The following SAMD5 variants were observed in gnomAD, a reference collection of about 807,000 sequenced individuals.
SAMD5 encodes the protein sterile alpha motif domain-containing protein 5.
A neutral mutation model predicts 11.3 loss-of-function variants in SAMD5; 13 were observed. The observed-to-expected ratio is 1.15, with a 90% CI of 0.75 to 1.83. The LOEUF (loss-of-function observed/expected upper bound fraction) is 1.83, where lower values mean the gene tolerates loss of function less well. Ranked by LOEUF, SAMD5 falls within the 40% of genes most tolerant of loss-of-function variation. The pLI is 0.00. For missense variants in SAMD5, 255 were observed against 239.1 expected (o/e 1.07, Z -0.44); for synonymous variants, 129 against 111.3 (o/e 1.16, Z -1.00).
the SAMD5 span, among the ~76,000 whole-genome samples, chr6:147,807,455 C>T: frequency 3.3e-5 from 5 of 151,972 alleles, no homozygotes; most frequent in South Asian, 2.1e-4. Context: ...TAAGGGCAAC[C>T]GAAGCAGATG....
At chr6:147,662,919 G>T (rs1055174900) in intron 1 of SAMD5, among the ~76,000 whole-genome samples, 2 of 152,162 alleles carry the variant, frequency 1.3e-5, no homozygotes, top group African/African-American at 2.4e-5. Context: ...ATAGACAAAT[G>T]TAGTTATTTT....
chr6:147,938,428 A>G, the SAMD5 span, among the ~76,000 whole-genome samples: 1 of 152,198 alleles, frequency 6.6e-6, no homozygotes, highest in Non-Finnish European at 1.5e-5. Flanking sequence ...AATGGAAATT[A>G]TGGTACAAAC....
At chr6:147,691,459 AC>A (rs988367884) in intron 1 of SAMD5, among the ~76,000 whole-genome samples, 2 of 152,178 alleles carry the variant, frequency 1.3e-5, no homozygotes, top group Non-Finnish European at 2.9e-5. Flanking sequence ...ATTTTTTTCA[AC>A]TATGACTTTC....
Position 147,719,230 on chromosome 6 carries a change from G to A in SAMD5, c.163-18087G>A, listed in dbSNP as rs12195380. Among the ~76,000 whole-genome samples, 12 of 152,302 alleles carry A rather than the reference G, an allele frequency of 7.9e-5. No homozygotes were observed. In the East Asian group the frequency reaches 2.3e-3, roughly 29 times the overall value. ...CATCAGGACCCAGAGCAAGGAAACA[G>A]GTACCAGAATATCTGAGCTCCAAGG... On this transcript the variant is annotated intron_variant, in intron 1 of 1. Coordinates refer to the SAMD5 transcript ENST00000566741.
chr6:147,899,481 A>G, the SAMD5 span, among the ~76,000 whole-genome samples: 5 of 152,204 alleles, frequency 3.3e-5, no homozygotes, highest in African/African-American at 1.2e-4. Context: ...AGAAGAAATC[A>G]CAGAAAAGGA....
the SAMD5 span, among the ~76,000 whole-genome samples, chr6:147,876,747 T>G: frequency 2.0e-5 from 3 of 152,208 alleles, no homozygotes; most frequent in Non-Finnish European, 4.4e-5. Flanking sequence ...ACCACTTTTT[T>G]GGGGAGTTCC....
At chr6:147,616,174 T>TGA (rs1562334263) in intron 1 of SAMD5, among the ~76,000 whole-genome samples, 7 of 110,746 alleles carry the variant, frequency 6.3e-5, no homozygotes, top group Non-Finnish European at 9.8e-5. Flanking sequence ...TTCATATATA[T>TGA]TTATTCATAT....
chr6:147,527,713 C>A (rs1269125828), intron 1 of SAMD5, among the ~76,000 whole-genome samples: 1 of 152,164 alleles, frequency 6.6e-6, no homozygotes, highest in Non-Finnish European at 1.5e-5. Context: ...AAGGCTAGTC[C>A]CTTTCACCTG....
Position 147,550,696 on chromosome 6 carries a change from T to C in SAMD5, c.460-13698T>C, listed in dbSNP as rs1022801457. ...ATGTTCTCACTTTTGAGGTGAGGGCTAAAGAATGTGTACAATAGACCTAGA... is the reference window on the plus strand; with the variant it reads ...ATGTTCTCACTTTTGAGGTGAGGGCCAAAGAATGTGTACAATAGACCTAGA... On this transcript the variant is annotated intron_variant, in intron 1 of 1. Transcript: ENST00000367474. Among the ~76,000 whole-genome samples the C allele has an allele frequency of 8.6e-4, 67 of 77,774 alleles. 3 individuals carry two copies. The highest frequency in any genetic ancestry group is 2.2e-3 in the South Asian group (5 of 2,314). The allele number at this position is 77,774 out of a possible 152,430, so 51.0% of individuals were successfully genotyped here. A position where few individuals can be genotyped will look rare whatever the true frequency, so the allele number is the denominator to read the frequency against.
chr6:147,600,284 T>G (rs1240515497), intron 1 of SAMD5, among the ~76,000 whole-genome samples: 2 of 152,226 alleles, frequency 1.3e-5, no homozygotes, highest in Non-Finnish European at 2.9e-5. Context: ...CAGGTATCTC[T>G]GCTGTCACTC....
chr6:147,845,540 C>T, the SAMD5 span, among the ~76,000 whole-genome samples: 2 of 152,034 alleles, frequency 1.3e-5, no homozygotes, highest in East Asian at 3.9e-4. Flanking sequence ...CAAAACTCAA[C>T]AATTTTAAAA....
At chr6:147,690,264 T>C (rs9497842) in intron 1 of SAMD5, among the ~76,000 whole-genome samples, 2,719 of 152,344 alleles carry the variant, frequency 0.018, 79 homozygotes, top group African/African-American at 0.053. Flanking sequence ...CATTTATTAC[T>C]TTTTTAAAAA....
chr6:147,614,887 C>T (rs557391659), intron 1 of SAMD5, among the ~76,000 whole-genome samples: 1 of 151,882 alleles, frequency 6.6e-6, no homozygotes, highest in African/African-American at 2.4e-5. Context: ...CAACCATAGA[C>T]TGAAAATATT....
At chr6:147,756,523 G>T in the SAMD5 span, among the ~76,000 whole-genome samples, 3 of 152,016 alleles carry the variant, frequency 2.0e-5, no homozygotes, top group Non-Finnish European at 4.4e-5. Flanking sequence ...GTTTTCTTTT[G>T]TTACCTAAAA....
chr6:147,580,634 G>T (rs1789283397), intron 1 of SAMD5, among the ~76,000 whole-genome samples: 1 of 152,158 alleles, frequency 6.6e-6, no homozygotes, highest in Non-Finnish European at 1.5e-5. Flanking sequence ...CTTTAAAATT[G>T]TATTTCATTT....
chr6:147,530,081 G>T (rs1489842593), intron 1 of SAMD5, among the ~76,000 whole-genome samples: 2 of 152,102 alleles, frequency 1.3e-5, no homozygotes, highest in Non-Finnish European at 2.9e-5. Flanking sequence ...ATATGGGGAC[G>T]ATTTTTTCCC....
At chr6:147,878,214 C>A in the SAMD5 span, among the ~76,000 whole-genome samples, 61 of 152,090 alleles carry the variant, frequency 4.0e-4, no homozygotes, top group African/African-American at 1.4e-3. Context: ...AAGATGCTGG[C>A]AGGTTCAGTA....
At chr6:147,522,136 A>T (rs1185043784) in intron 1 of SAMD5, among the ~76,000 whole-genome samples, 2 of 152,164 alleles carry the variant, frequency 1.3e-5, no homozygotes, top group African/African-American at 4.8e-5. Flanking sequence ...TTACACACAC[A>T]TGATAATCTT....
rs139404315 is a variant in SAMD5, at chr6:147,523,295, A to G, written c.459+13908A>G. ...AATTGAAAATTCTACAAGAAATATT[A>G]CTATAACAAATCCTTGATTTACATT... On this transcript the variant is annotated intron_variant, in intron 1 of 1. Coordinates refer to ENST00000367474, the MANE Select transcript of SAMD5 (RefSeq NM_001030060.3). Among the ~76,000 whole-genome samples, 1,196 of 152,364 alleles carry G rather than the reference A, an allele frequency of 7.8e-3. 9 individuals carry two copies. The highest frequency in any genetic ancestry group is 0.014 in the Middle Eastern group (4 of 294).
Sources: gnomAD v4.1 joint callset for allele counts (sites outside exome capture counted in the v4.1 genomes callset) on GRCh38, gnomAD v4.1.1 for gene constraint, MANE v1.5 for transcripts, NCBI Gene and HGNC (gene_info 2026-07-23, HGNC 2026-07-21) for gene names.